The following PANK1 variants were observed in gnomAD, a reference collection of about 807,000 sequenced individuals.
PANK1 encodes pantothenic acid kinase 1.
In PANK1, 18 loss-of-function variants were observed where a neutral mutation model predicts 40.1. The observed-to-expected ratio is 0.45, with a 90% CI of 0.31 to 0.67. The LOEUF (loss-of-function observed/expected upper bound fraction) is 0.67. Ranked by LOEUF, PANK1 falls within the 30% of genes least tolerant of loss-of-function variation. The probability of loss-of-function intolerance (pLI) is 0.06; values close to 1 mark genes in which losing one functional copy is unlikely to be tolerated. For synonymous variants in PANK1, 242 were observed against 237.7 expected, an observed-to-expected ratio of 1.02 and a Z score of -0.17; for missense variants, 457 against 599.6, an observed-to-expected ratio of 0.76 and a Z score of 2.48.
intron 1 of PANK1, among the ~76,000 whole-genome samples, chr10:89,612,380 A>G (rs1845185317): frequency 6.6e-6 from 1 of 152,170 alleles, no homozygotes; most frequent in African/African-American, 2.4e-5. Context: ...TGTTATACTA[A>G]TATTTAAAGA....
chr10:89,634,060 T>C (rs1841731858), intron 1 of PANK1, among the ~76,000 whole-genome samples: 1 of 152,178 alleles, frequency 6.6e-6, no homozygotes, highest in African/African-American at 2.4e-5. Flanking sequence ...GAATTAGATA[T>C]ACTGAATTGT....
At chr10:89,632,675 A>G (rs1841685449) in intron 1 of PANK1, among the ~76,000 whole-genome samples, 1 of 152,226 alleles carries the variant, frequency 6.6e-6, no homozygotes, top group Admixed American at 6.5e-5. Flanking sequence ...ATAAAAGCAC[A>G]TGTATTATTT....
intron 2 of PANK1, among the ~76,000 whole-genome samples, 188 bp downstream of exon 2, chr10:89,611,508 T>C (rs965775608): frequency 5.9e-5 from 9 of 152,238 alleles, no homozygotes; most frequent in African/African-American, 2.2e-4. Flanking sequence ...CATTTAATCC[T>C]ACATGTAACA....
Position 89,644,685 on chromosome 10 carries a change from C to CGGCAGCAGT in PANK1, c.206_207insACTGCTGCC (p.Pro69_Gln70insLeuLeuPro). The CGGCAGCAGT allele has an allele frequency of 6.4e-7, 1 of 1,556,524 alleles. No homozygotes were observed. The highest frequency in any genetic ancestry group is 1.2e-5 in the South Asian group (1 of 85,384). On this transcript the variant is annotated inframe_insertion, in exon 1 of 7. Coordinates refer to ENST00000307534, the MANE Select transcript of PANK1 (RefSeq NM_148977.3). ...AGTCATGCTGAGGGAGCAGTGGCTGCGGCTGCAGCTCCGGCAGGAGCGGGA... is the reference window on the plus strand; with the variant it reads ...AGTCATGCTGAGGGAGCAGTGGCTGCGGCAGCAGTGGCTGCAGCTCCGGCAGGAGCGGGA...
chr10:89,584,922 T>G (rs1844150767), intron 6 of PANK1, among the ~76,000 whole-genome samples: 1 of 152,166 alleles, frequency 6.6e-6, no homozygotes, highest in African/African-American at 2.4e-5. Flanking sequence ...GCAAAGGCAC[T>G]TAAATTAGTC....
At chr10:89,599,693 C>T (rs1386274747) in intron 2 of PANK1, among the ~76,000 whole-genome samples, 188 bp from the exon 3 acceptor site, 3 of 152,146 alleles carry the variant, frequency 2.0e-5, no homozygotes, top group African/African-American at 7.2e-5. Flanking sequence ...AGATGTCATA[C>T]CTGCCCACAG....
chr10:89,642,087 CA>C (rs1841987304), intron 1 of PANK1, among the ~76,000 whole-genome samples: 1 of 152,106 alleles, frequency 6.6e-6, no homozygotes. Flanking sequence ...GAGGTGATGG[CA>C]CTTTAGATGA....
At chr10:89,597,102 G>T (rs542863702) in intron 3 of PANK1, among the ~76,000 whole-genome samples, 4 of 152,182 alleles carry the variant, frequency 2.6e-5, no homozygotes, top group African/African-American at 9.6e-5. Flanking sequence ...GGAAAATCAG[G>T]TATAATACAA....
At position 89,645,052 on chromosome 10, in the gene PANK1, C is replaced by T; in HGVS notation, c.-161G>A. ...GCGAACCCGGCGCTCCTCCCCTCCT[C>T]CTGCCGACTCCCCCACCTCCTCTGC... is the stretch of plus-strand genomic sequence containing the variant. On this transcript the variant is annotated 5_prime_UTR_variant, in exon 1 of 7. Transcript: ENST00000307534. 1 of 1,561,986 alleles carries T rather than the reference C, an allele frequency of 6.4e-7. No individual in the cohort carries two copies. Among genetic ancestry groups the T allele is most frequent in the South Asian group, 1.2e-5 (1 of 86,206 alleles).
chr10:89,607,512 C>G (rs1845003739), intron 2 of PANK1, among the ~76,000 whole-genome samples: 1 of 152,140 alleles, frequency 6.6e-6, no homozygotes, highest in Non-Finnish European at 1.5e-5. Context: ...TGCGTACAAG[C>G]CATTGGAAAA....
chr10:89,631,628 T>C lies in PANK1; in HGVS notation c.292+12972A>G, dbSNP rs140269755. ...AATCTATATTTCCAGACAAAAATTATGTAGGAGATACTAATCACTCTTAGT... is the reference window on the plus strand; with the variant it reads ...AATCTATATTTCCAGACAAAAATTACGTAGGAGATACTAATCACTCTTAGT... On this transcript the variant is annotated intron_variant, in intron 1 of 6. Transcript: ENST00000307534. Among the ~76,000 whole-genome samples the C allele has an allele frequency of 5.7e-3, 861 of 152,348 alleles. 1 individual carries two copies. The highest frequency in any genetic ancestry group is 0.011 in the African/African-American group (476 of 41,574).
chr10:89,638,678 G>A (rs1399948703), intron 1 of PANK1, among the ~76,000 whole-genome samples: 5 of 152,150 alleles, frequency 3.3e-5, no homozygotes, highest in Admixed American at 6.5e-5. Flanking sequence ...AGCCTAGGGT[G>A]TAGACACAAT....
chr10:89,608,229 C>T (rs1845035658), intron 2 of PANK1, among the ~76,000 whole-genome samples: 1 of 151,966 alleles, frequency 6.6e-6, no homozygotes, highest in Admixed American at 6.6e-5. Context: ...GGCGGGGTTT[C>T]ACCGTGTTAG....
At chr10:89,600,380 T>C (rs573354505) in intron 2 of PANK1, among the ~76,000 whole-genome samples, 5 of 152,342 alleles carry the variant, frequency 3.3e-5, no homozygotes, top group African/African-American at 1.2e-4. Flanking sequence ...TTGGGCTCTG[T>C]AGTTAGATCT....
intron 2 of PANK1, among the ~76,000 whole-genome samples, chr10:89,610,439 C>G (rs1407772532): frequency 6.7e-6 from 1 of 149,342 alleles, no homozygotes; most frequent in Non-Finnish European, 1.5e-5. Flanking sequence ...AACTCTACTG[C>G]TGGGTAATAG....
chr10:89,637,941 T>A (rs201547610), intron 1 of PANK1, among the ~76,000 whole-genome samples: 1 of 145,580 alleles, frequency 6.9e-6, no homozygotes, highest in Admixed American at 6.9e-5. Flanking sequence ...TTTTTTTTTT[T>A]ACTTTTTAAA....
At chr10:89,614,119 C>T (rs1845245490) in intron 1 of PANK1, 5 of 433,352 alleles carry the variant, frequency 1.2e-5, no homozygotes, top group Non-Finnish European at 1.8e-5. Flanking sequence ...TGGAAATATA[C>T]TATGGCATGT....
At chr10:89,590,885 G>A (rs978121984) in intron 5 of PANK1, among the ~76,000 whole-genome samples, 2 of 151,944 alleles carry the variant, frequency 1.3e-5, no homozygotes. Flanking sequence ...TAGTATTTTA[G>A]CAAAAAAGAG....
chr10:89,600,145 A>C (rs751820295), intron 2 of PANK1, among the ~76,000 whole-genome samples: 13 of 152,150 alleles, frequency 8.5e-5, no homozygotes, highest in Non-Finnish European at 1.9e-4. Context: ...CAAACGAATA[A>C]ATTTCTGTTG....
Sources: allele counts gnomAD v4.1 joint callset (sites outside exome capture counted in the v4.1 genomes callset), GRCh38; gene constraint gnomAD v4.1.1; transcripts MANE v1.5; gene names NCBI Gene and HGNC (gene_info 2026-07-23, HGNC 2026-07-21).